HTR1F: variants seen among roughly 807,000 people sequenced by gnomAD.
HTR1F encodes 5-hydroxytryptamine receptor 1F, also known as 5-hydroxytryptamine (serotonin) receptor 1F, G protein-coupled.
HTR1F carries 17 observed loss-of-function variants against 24.0 expected under a neutral mutation model. The ratio of observed to expected loss-of-function variants is 0.71; its 90% confidence interval spans 0.48 to 1.06. The LOEUF (loss-of-function observed/expected upper bound fraction) is 1.06, where lower values mean the gene tolerates loss of function less well. HTR1F is among the 50% of genes least tolerant of loss of function. The pLI is 0.00. For synonymous variants in HTR1F, 186 were observed against 156.8 expected, an observed-to-expected ratio of 1.19 and a Z score of -1.39; for missense variants, 391 against 427.8, an observed-to-expected ratio of 0.91 and a Z score of 0.76.
intron 2 of HTR1F, among the ~76,000 whole-genome samples, chr3:87,859,991 CA>C (rs1293097299): frequency 6.6e-6 from 1 of 152,030 alleles, no homozygotes; most frequent in Non-Finnish European, 1.5e-5. Flanking sequence ...ACAATAATAA[CA>C]AAAAGGCAGA....
intron 2 of HTR1F, among the ~76,000 whole-genome samples, chr3:87,951,156 G>C (rs1704824530): frequency 6.6e-6 from 1 of 152,104 alleles, no homozygotes; most frequent in Non-Finnish European, 1.5e-5. Flanking sequence ...CTAAGTGCAA[G>C]TGGATTCAGG....
chr3:87,926,313 G>C (rs1222448880), intron 2 of HTR1F, among the ~76,000 whole-genome samples: 3 of 152,082 alleles, frequency 2.0e-5, no homozygotes, highest in African/African-American at 7.2e-5. Flanking sequence ...TCAGACAGTA[G>C]GATATGCACA....
At chr3:87,989,151 A>G (rs1705746933) in intron 2 of HTR1F, among the ~76,000 whole-genome samples, 1 of 152,214 alleles carries the variant, frequency 6.6e-6, no homozygotes, top group Non-Finnish European at 1.5e-5. Flanking sequence ...AATGCTATTT[A>G]TCAAAGATAT....
intron 2 of HTR1F, among the ~76,000 whole-genome samples, chr3:87,875,679 C>T (rs1705654043): frequency 6.6e-6 from 1 of 151,922 alleles, no homozygotes; most frequent in African/African-American, 2.4e-5. Context: ...AATCTCATCA[C>T]TTTGGGAGGC....
intron 2 of HTR1F, among the ~76,000 whole-genome samples, chr3:87,887,890 C>A (rs1705990328): frequency 7.0e-6 from 1 of 143,114 alleles, no homozygotes; most frequent in Non-Finnish European, 1.6e-5. Context: ...ACTAGTTCAA[C>A]CCTTGTGGAA....
At position 87,792,763 on chromosome 3, in the gene HTR1F, T is replaced by TG. The variant is rs1703836480; in HGVS notation, c.-235dup. On this transcript the variant is annotated 5_prime_UTR_variant, in exon 1 of 3. Transcript: ENST00000319595. ...CAGGCGCTGCTGTCTTCCCGCCCCGTGGGGTCGCCCCTGCCCTCCCGCGCC... is the reference window on the plus strand; with the variant it reads ...CAGGCGCTGCTGTCTTCCCGCCCCGTGGGGGTCGCCCCTGCCCTCCCGCGCC... Among the ~76,000 whole-genome samples the TG allele has an allele frequency of 6.6e-6, 1 of 152,072 alleles. No homozygotes were observed. The highest frequency in any genetic ancestry group is 1.5e-5 in the Non-Finnish European group (1 of 67,980).
At chr3:87,917,354 A>C (rs1257774210) in intron 2 of HTR1F, among the ~76,000 whole-genome samples, 1 of 151,664 alleles carries the variant, frequency 6.6e-6, no homozygotes, top group Admixed American at 6.6e-5. Context: ...GGAAATAACC[A>C]AGATCAGAGC....
At chr3:87,908,010 A>T (rs568212818) in intron 2 of HTR1F, among the ~76,000 whole-genome samples, 4 of 152,112 alleles carry the variant, frequency 2.6e-5, no homozygotes, top group African/African-American at 9.6e-5. Flanking sequence ...TAATATTTCC[A>T]TTTCAAGTCA....
intron 2 of HTR1F, among the ~76,000 whole-genome samples, chr3:87,917,721 A>C (rs192733347): frequency 6.9e-6 from 1 of 145,334 alleles, no homozygotes; most frequent in African/African-American, 2.6e-5. Flanking sequence ...ATGGTAATTC[A>C]AGAATTAACA....
chr3:87,852,732 C>T lies in HTR1F; in HGVS notation c.-43+30608C>T, dbSNP rs147455411. Among the ~76,000 whole-genome samples, 123 of 151,806 alleles carry T rather than the reference C, an allele frequency of 8.1e-4. 2 individuals are homozygous for T. The highest frequency in any genetic ancestry group is 2.7e-3 in the African/African-American group (111 of 41,322). Reference sequence around the variant, plus strand: ...TATGGGCTATTTGCTAAATCAAATCCTCCCTTAGTAATCTTCTTTTCAGTG... The same window carrying T: ...TATGGGCTATTTGCTAAATCAAATCTTCCCTTAGTAATCTTCTTTTCAGTG... On this transcript the variant is annotated intron_variant, in intron 2 of 2. Transcript: ENST00000319595.
chr3:87,967,730 T>C (rs1705198371), intron 2 of HTR1F, among the ~76,000 whole-genome samples: 1 of 152,234 alleles, frequency 6.6e-6, no homozygotes, highest in African/African-American at 2.4e-5. Context: ...TTTCACCTTC[T>C]GCCATGATTG....
intron 1 of HTR1F, among the ~76,000 whole-genome samples, chr3:87,812,672 G>GT (rs1704181538): frequency 6.6e-6 from 1 of 152,152 alleles, no homozygotes; most frequent in Non-Finnish European, 1.5e-5. Flanking sequence ...AGAGATCTTG[G>GT]TGGCAGCCCC....
chr3:87,858,661 G>GTTT (rs148531115), intron 2 of HTR1F, among the ~76,000 whole-genome samples: 1 of 147,838 alleles, frequency 6.8e-6, no homozygotes, highest in African/African-American at 2.5e-5. Context: ...GATATTCTCG[G>GTTT]TTTTTTTTTT....
At chr3:87,863,424 C>T (rs1705359523) in intron 2 of HTR1F, among the ~76,000 whole-genome samples, 1 of 152,144 alleles carries the variant, frequency 6.6e-6, no homozygotes, top group South Asian at 2.1e-4. Flanking sequence ...AATCAGAACC[C>T]AGTTTTGATA....
Position 87,991,075 on chromosome 3 carries a change from G to A in HTR1F, c.326G>A (p.Cys109Tyr). Residue 109 changes from cysteine to tyrosine, a missense_variant, in exon 3 of 3, where the codon TGC becomes TAC. Coordinates refer to ENST00000319595, the MANE Select transcript of HTR1F (RefSeq NM_001322209.2). ...WLSVDITCCTCSILHLSAIAL... is the reference protein window; with the variant it reads ...WLSVDITCCTYSILHLSAIAL... ...AGTGTTGACATTACCTGCTGCACGT[G>A]CTCCATCTTGCATCTCTCAGCTATA... 5 of 1,613,816 alleles carry A rather than the reference G, an allele frequency of 3.1e-6. No individual in the cohort carries two copies. The highest frequency in any genetic ancestry group is 4.2e-6 in the Non-Finnish European group (5 of 1,180,012).
chr3:87,830,145 A>G (rs1704546028), intron 2 of HTR1F, among the ~76,000 whole-genome samples: 1 of 152,168 alleles, frequency 6.6e-6, no homozygotes, highest in African/African-American at 2.4e-5. Context: ...TTTAATGTTG[A>G]CACAGTCTTT....
chr3:87,949,392 C>A (rs766468153), intron 2 of HTR1F, among the ~76,000 whole-genome samples: 1 of 152,190 alleles, frequency 6.6e-6, no homozygotes, highest in African/African-American at 2.4e-5. Context: ...TAAATCACAG[C>A]TTCCTCTACT....
At chr3:87,980,278 C>A (rs1307543968) in intron 2 of HTR1F, among the ~76,000 whole-genome samples, 2 of 152,126 alleles carry the variant, frequency 1.3e-5, no homozygotes, top group Non-Finnish European at 2.9e-5. Flanking sequence ...CATCTCTCCA[C>A]CCCTCAGCAG....
chr3:87,872,952 A>G (rs1409192658), intron 2 of HTR1F, among the ~76,000 whole-genome samples: 2 of 152,074 alleles, frequency 1.3e-5, no homozygotes, highest in African/African-American at 4.8e-5. Context: ...GGCAAGGAAT[A>G]TGCTGATACA....
Sources: allele counts gnomAD v4.1 joint callset (sites outside exome capture counted in the v4.1 genomes callset), GRCh38; gene constraint gnomAD v4.1.1; transcripts MANE v1.5; gene names NCBI Gene and HGNC (gene_info 2026-07-23, HGNC 2026-07-21).